Variants in SRBD1 observed in about 807,000 individuals in gnomAD.
SRBD1 encodes S1 RNA binding domain 1.
In SRBD1, 88 loss-of-function variants were observed where a neutral mutation model predicts 115.3. The observed-to-expected ratio is 0.76, with a 90% confidence interval of 0.64 to 0.91. SRBD1 has a LOEUF of 0.91. SRBD1 is among the 40% of genes least tolerant of loss of function. The pLI, the probability that SRBD1 is intolerant of heterozygous loss-of-function variation, is 0.00. For missense variants in SRBD1, 1,385 were observed against 1,177.4 expected (o/e 1.18, Z -2.58); for synonymous variants, 509 against 407.7 (o/e 1.25, Z -2.99).
intron 14 of SRBD1, among the ~76,000 whole-genome samples, chr2:45,496,231 A>C (rs929182090): frequency 9.9e-5 from 15 of 152,222 alleles, no homozygotes; most frequent in African/African-American, 3.4e-4. Context: ...CCAGTAATAA[A>C]TATGAGAAGT....
intron 19 of SRBD1, among the ~76,000 whole-genome samples, chr2:45,395,178 A>G (rs1330812159): frequency 6.6e-6 from 1 of 152,228 alleles, no homozygotes; most frequent in Non-Finnish European, 1.5e-5. Context: ...CTGGCTACTT[A>G]GCGGAGTATC....
Position 45,605,337 on chromosome 2 carries a change from C to T in SRBD1, c.80+25G>A, listed in dbSNP as rs371518806. On this transcript the variant is annotated intron_variant, in intron 2 of 20. Transcript: ENST00000263736. ...ATTAAAATATTCATCATTCCCCTAC[C>T]CACATATTAAACCAGTATGCTTACA... 123 of 1,587,644 alleles carry T rather than the reference C, an allele frequency of 7.7e-5. 1 individual carries two copies. Among genetic ancestry groups the T allele is most frequent in the Non-Finnish European group, 9.8e-5 (114 of 1,159,036 alleles).
At chr2:45,390,182 A>C (rs1019608204) in intron 20 of SRBD1, among the ~76,000 whole-genome samples, 1 of 152,120 alleles carries the variant, frequency 6.6e-6, no homozygotes, top group African/African-American at 2.4e-5. Flanking sequence ...TGGATTCTTG[A>C]TTATCTATGG....
At chr2:45,447,841 C>T (rs761589197) in intron 16 of SRBD1, 2 of 152,034 alleles carry the variant, frequency 1.3e-5, no homozygotes, top group Non-Finnish European at 2.9e-5. Flanking sequence ...TATAAGTGTA[C>T]CATTCCTTGG....
chr2:45,598,378 G>A (rs921761587), intron 4 of SRBD1, among the ~76,000 whole-genome samples: 3 of 152,136 alleles, frequency 2.0e-5, no homozygotes, highest in African/African-American at 7.2e-5. Flanking sequence ...ACTTTGGGAG[G>A]CCGAGGCGGG....
chr2:45,571,051 G>A lies in SRBD1; in HGVS notation c.1305+2156C>T, dbSNP rs564683381. On this transcript the variant is annotated intron_variant, in intron 9 of 20. Transcript: ENST00000263736. ...GGAAAAGGGGCTTTTTAAAATTCCTGGGCATGCTGAGGGCTAGGTGTATGC... is the reference window on the plus strand; with the variant it reads ...GGAAAAGGGGCTTTTTAAAATTCCTAGGCATGCTGAGGGCTAGGTGTATGC... 2.0e-5 allele frequency among the ~76,000 whole-genome samples: 3 copies of A among 152,226 alleles called. No individual in the cohort carries two copies. In the South Asian group the frequency reaches 6.2e-4, roughly 32 times the overall value.
chr2:45,490,266 G>T lies in SRBD1; in HGVS notation c.1875-1935C>A, dbSNP rs1395914477. 2.6e-5 allele frequency among the ~76,000 whole-genome samples: 4 copies of T among 152,188 alleles called. No individual in the cohort carries two copies. In the East Asian group the frequency reaches 7.7e-4, roughly 29 times the overall value. On this transcript the variant is annotated intron_variant, in intron 14 of 20. Coordinates refer to ENST00000263736, the MANE Select transcript of SRBD1 (RefSeq NM_018079.5). ...TTATAGTGGCATTTCCTAACCAGGG[G>T]CCCTTGGACTATTGGGCAGGAAGAG...
At chr2:45,396,601 G>C (rs1667151391) in intron 19 of SRBD1, among the ~76,000 whole-genome samples, 1 of 152,178 alleles carries the variant, frequency 6.6e-6, no homozygotes, top group Non-Finnish European at 1.5e-5. Context: ...CCTTGCAGCA[G>C]AGTTAATGCT....
At chr2:45,499,096 T>A (rs1670549920) in intron 14 of SRBD1, among the ~76,000 whole-genome samples, 3 of 152,218 alleles carry the variant, frequency 2.0e-5, no homozygotes, top group Non-Finnish European at 4.4e-5. Context: ...ATGGCTATAC[T>A]ACCTTACCTT....
At chr2:45,573,160 T>C (rs753566831) in intron 9 of SRBD1, 47 bp downstream of exon 9, 44 of 1,524,942 alleles carry the variant, frequency 2.9e-5, no homozygotes, top group Middle Eastern at 1.8e-4. Context: ...ATCCAAAATA[T>C]TATCATTATT....
intron 14 of SRBD1, among the ~76,000 whole-genome samples, chr2:45,519,803 C>G (rs375977474): frequency 6.6e-6 from 1 of 152,062 alleles, no homozygotes; most frequent in Non-Finnish European, 1.5e-5. Context: ...AGTAATGGAG[C>G]CTTCTTCTAA....
At chr2:45,396,871 C>T (rs1667159039) in intron 19 of SRBD1, among the ~76,000 whole-genome samples, 2 of 152,128 alleles carry the variant, frequency 1.3e-5, no homozygotes, top group Admixed American at 1.3e-4. Context: ...CATAGAAGAA[C>T]CATGGTGATG....
At chr2:45,529,534 C>T (rs1188582249) in intron 14 of SRBD1, among the ~76,000 whole-genome samples, 9 of 151,798 alleles carry the variant, frequency 5.9e-5, no homozygotes, top group African/African-American at 1.9e-4. Flanking sequence ...AGTCTTTCTG[C>T]ACCCAATAAA....
chr2:45,508,526 A>C (rs940174330), intron 14 of SRBD1, among the ~76,000 whole-genome samples: 1 of 152,168 alleles, frequency 6.6e-6, no homozygotes, highest in Admixed American at 6.5e-5. Context: ...TTTCCTGTTA[A>C]GTTTTCCAAC....
At chr2:45,395,876 A>T (rs2103820437) in intron 19 of SRBD1, among the ~76,000 whole-genome samples, 1 of 152,328 alleles carries the variant, frequency 6.6e-6, no homozygotes, top group African/African-American at 2.4e-5. Flanking sequence ...CATATTCTAA[A>T]TTTCACTTCA....
At position 45,532,310 on chromosome 2, in the gene SRBD1, A is replaced by T. The variant is rs181991560; in HGVS notation, c.1874+14422T>A. Among the ~76,000 whole-genome samples, 22 of 151,970 alleles carry T rather than the reference A, an allele frequency of 1.4e-4. No individual in the cohort carries two copies. In the East Asian group the frequency reaches 4.3e-3, roughly 29 times the overall value. On this transcript the variant is annotated intron_variant, in intron 14 of 20. Transcript: ENST00000263736. ...GACAGACAGTGTTAAATACCAGGGA[A>T]TTCCTATCAACCAATTTACTTTAAA...
intron 16 of SRBD1, among the ~76,000 whole-genome samples, chr2:45,451,876 T>C (rs1472339466): frequency 6.6e-6 from 1 of 151,838 alleles, no homozygotes; most frequent in Non-Finnish European, 1.5e-5. Flanking sequence ...AAAAACTGAT[T>C]TTCTTTTACA....
chr2:45,586,759 C>T (rs1388589072), intron 4 of SRBD1, among the ~76,000 whole-genome samples: 1 of 150,846 alleles, frequency 6.6e-6, no homozygotes, highest in Non-Finnish European at 1.5e-5. Context: ...ATTGCCCAAG[C>T]TGGTCTCAAA....
At chr2:45,480,930 A>C (rs1475634969) in intron 15 of SRBD1, among the ~76,000 whole-genome samples, 8 of 152,178 alleles carry the variant, frequency 5.3e-5, no homozygotes, top group Non-Finnish European at 1.2e-4. Flanking sequence ...CTTTTGTGAG[A>C]GGAGAGTCCA....
Sources: allele counts gnomAD v4.1 joint callset (sites outside exome capture counted in the v4.1 genomes callset), GRCh38; gene constraint gnomAD v4.1.1; transcripts MANE v1.5; gene names NCBI Gene and HGNC (gene_info 2026-07-23, HGNC 2026-07-21).